Variants in GPD1L observed in about 807,000 individuals in gnomAD.
The protein encoded by GPD1L is glycerol-3-phosphate dehydrogenase 1 like, also known as glycerol-3-phosphate dehydrogenase 1-like protein.
GPD1L carries 17 observed loss-of-function variants against 32.9 expected under a neutral mutation model. The ratio of observed to expected loss-of-function variants is 0.52; its 90% CI spans 0.35 to 0.78. The LOEUF is 0.78. GPD1L is among the 30% of genes least tolerant of loss of function. The pLI is 0.01. For synonymous variants in GPD1L, 187 were observed against 165.9 expected, an observed-to-expected ratio of 1.13 and a Z score of -0.98; for missense variants, 361 against 447.8, an observed-to-expected ratio of 0.81 and a Z score of 1.75.
chr3:32,158,981 A>G lies in GPD1L; in HGVS notation c.724A>G (p.Arg242Gly). 2 of 1,614,094 alleles carry G rather than the reference A, an allele frequency of 1.2e-6. No homozygotes were observed. The highest frequency in any genetic ancestry group is 1.6e-4 in the Middle Eastern group (1 of 6,062). The change falls in exon 6 of 8, where the codon AGG (arginine) becomes GGG (glycine). Residue 242 changes from arginine (R) to glycine (G), a missense_variant. By Grantham distance (125) the Arg-to-Gly change is moderately radical. Transcript: ENST00000282541. Reference sequence around the variant, plus strand: ...ACTCATGGAAATGATTGCTTTTGCCAGGATCTTCTGCAAAGGCCAAGTGTC... The same window carrying G: ...ACTCATGGAAATGATTGCTTTTGCCGGGATCTTCTGCAAAGGCCAAGTGTC... Reference protein sequence around the residue: ...LGLMEMIAFARIFCKGQVSTA... With the variant: ...LGLMEMIAFAGIFCKGQVSTA...
At chr3:32,161,523 A>T (rs1424367142) in intron 7 of GPD1L, among the ~76,000 whole-genome samples, 1 of 152,176 alleles carries the variant, frequency 6.6e-6, no homozygotes, top group Non-Finnish European at 1.5e-5. Flanking sequence ...TTGGCTGTTT[A>T]GTGAGACTCT....
intron 5 of GPD1L, 60 bp downstream of exon 5, chr3:32,146,794 C>G: frequency 1.1e-6 from 1 of 941,506 alleles, no homozygotes; most frequent in Non-Finnish European, 1.8e-6. Flanking sequence ...ATCATTGAGT[C>G]TAATCCTCAA....
intron 5 of GPD1L, among the ~76,000 whole-genome samples, chr3:32,148,033 A>T (rs945169890): frequency 1.3e-5 from 2 of 152,240 alleles, no homozygotes; most frequent in Non-Finnish European, 2.9e-5. Flanking sequence ...TTATACATGT[A>T]AGACGCTGAC....
intron 1 of GPD1L, among the ~76,000 whole-genome samples, chr3:32,124,922 C>G (rs1700485313): frequency 6.6e-6 from 1 of 151,418 alleles, no homozygotes; most frequent in Admixed American, 6.6e-5. Context: ...GACATTGTCT[C>G]AAACAAACAA....
chr3:32,158,833 TG>T (rs1701033460), intron 5 of GPD1L, 42 bp from the exon 6 acceptor site: 4 of 1,600,754 alleles, frequency 2.5e-6, no homozygotes, highest in Non-Finnish European at 3.4e-6. Context: ...ATACCCGTGG[TG>T]GGTGCTGTAA....
intron 4 of GPD1L, 119 bp downstream of exon 4, chr3:32,140,485 G>C (rs969490237): frequency 2.5e-6 from 3 of 1,218,504 alleles, no homozygotes; most frequent in Non-Finnish European, 3.6e-6. Flanking sequence ...ACATTCCTTA[G>C]TTGGGCATTC....
rs1262973161 is a variant in GPD1L, at chr3:32,167,638, AC to A, written c.*1730del. The A allele has an allele frequency of 1.3e-5, 2 of 152,682 alleles. No individual in the cohort carries two copies. Among genetic ancestry groups the A allele is most frequent in the East Asian group, 1.9e-4 (1 of 5,206 alleles). The allele number at this position is 152,682 out of a possible 1,614,324, so 9.5% of individuals were successfully genotyped here. A position where few individuals can be genotyped will look rare whatever the true frequency, so the allele number is the denominator to read the frequency against. ...ATTGGCTTCAGAATCCATTACAGTT[AC>A]CTTACATAGCACTTGATACGTGTTA... On this transcript the variant is annotated 3_prime_UTR_variant, in exon 8 of 8. Coordinates refer to ENST00000282541, the MANE Select transcript of GPD1L (RefSeq NM_015141.4).
intron 1 of GPD1L, among the ~76,000 whole-genome samples, chr3:32,113,747 G>A (rs536524095): frequency 6.6e-6 from 1 of 152,154 alleles, no homozygotes; most frequent in East Asian, 1.9e-4. Context: ...TGATTCTGGG[G>A]TTTAACAATG....
chr3:32,165,562 AC>A (rs1467929123), intron 7 of GPD1L, among the ~76,000 whole-genome samples: 2 of 152,232 alleles, frequency 1.3e-5, no homozygotes, highest in Non-Finnish European at 2.9e-5. Flanking sequence ...TGGTAGGATC[AC>A]CGTGTGACTT....
chr3:32,165,560 T>C (rs1211589529), intron 7 of GPD1L, among the ~76,000 whole-genome samples: 1 of 152,222 alleles, frequency 6.6e-6, no homozygotes, highest in Admixed American at 6.5e-5. Flanking sequence ...CCTGGTAGGA[T>C]CACCGTGTGA....
In GPD1L at chr3:32,106,701, TCGGCC is replaced by T; in HGVS notation, c.-5_-1del. 6.4e-7 allele frequency: 1 copy of T among 1,557,674 alleles called. No homozygotes were observed. Among genetic ancestry groups the T allele is most frequent in the Non-Finnish European group, 8.7e-7 (1 of 1,153,284 alleles). Reference sequence around the variant, plus strand: ...GGAAGCACGGTCCAGGCGGCTACATTCGGCCCGGCCATGGCAGCGGCGCCCCTGAA... The same window carrying T: ...GGAAGCACGGTCCAGGCGGCTACATTCGGCCATGGCAGCGGCGCCCCTGAA... On this transcript the variant is annotated 5_prime_UTR_variant, in exon 1 of 8. Coordinates refer to ENST00000282541, the MANE Select transcript of GPD1L (RefSeq NM_015141.4). This position sits in a 1 kb window ranked among gnomAD's most constrained non-coding sequence, Gnocchi z 4.0.
chr3:32,130,897 C>G (rs969210529), intron 2 of GPD1L, among the ~76,000 whole-genome samples: 3 of 151,976 alleles, frequency 2.0e-5, no homozygotes, highest in Non-Finnish European at 4.4e-5. Flanking sequence ...CCTGTAATCC[C>G]GGCTATACTC....
intron 2 of GPD1L, among the ~76,000 whole-genome samples, chr3:32,133,981 T>C (rs1655139572): frequency 6.6e-6 from 1 of 152,236 alleles, no homozygotes; most frequent in Admixed American, 6.5e-5. Flanking sequence ...AAACCAGCCC[T>C]GATGCCTTCG....
At chr3:32,162,294 C>T (rs72852113) in intron 7 of GPD1L, among the ~76,000 whole-genome samples, 8,203 of 152,230 alleles carry the variant, frequency 0.054, 384 homozygotes, top group East Asian at 0.2. Flanking sequence ...ACCAATGTAA[C>T]TTCCTGCAGT....
chr3:32,140,415 G>A (rs780263646), intron 4 of GPD1L, 49 bp downstream of exon 4: 9 of 1,590,658 alleles, frequency 5.7e-6, no homozygotes, highest in African/African-American at 1.3e-5. Flanking sequence ...TTTGATGTTT[G>A]AACATGTACA....
rs536524095 is a variant in GPD1L at position 32,113,747 on chromosome 3, G to T, written c.47+6989G>T. On this transcript the variant is annotated intron_variant, in intron 1 of 7. Coordinates refer to ENST00000282541, the MANE Select transcript of GPD1L (RefSeq NM_015141.4). ...TCATTTATTAGCTCATGATTCTGGG[G>T]TTTAACAATGTGGGCTGACTAACCT... 1.8e-4 allele frequency among the ~76,000 whole-genome samples: 28 copies of T among 152,272 alleles called. 1 individual carries two copies. Among genetic ancestry groups the T allele is most frequent in the Middle Eastern group, 3.4e-3 (1 of 294 alleles).
intron 2 of GPD1L, among the ~76,000 whole-genome samples, chr3:32,129,959 A>T (rs1442369224): frequency 6.6e-6 from 1 of 152,114 alleles, no homozygotes; most frequent in Non-Finnish European, 1.5e-5. Flanking sequence ...GCCTGGCGCC[A>T]GTCCCTTGTG....
At chr3:32,163,973 C>T (rs2125500610) in intron 7 of GPD1L, among the ~76,000 whole-genome samples, 1 of 152,352 alleles carries the variant, frequency 6.6e-6, no homozygotes, top group Non-Finnish European at 1.5e-5. Flanking sequence ...GCAGCAGCTC[C>T]AGGCATCACA....
rs928989537 is a variant in GPD1L, at chr3:32,144,850, CA to C, written c.506-1771del. ...ACACACACACACACACACACACACA[CA>C]CACCACCACGCCAGGCTAATTTTTG... On this transcript the variant is annotated intron_variant, in intron 4 of 7. Transcript: ENST00000282541. Among the ~76,000 whole-genome samples, 284 of 151,214 alleles carry C rather than the reference CA, an allele frequency of 1.9e-3. 5 individuals are homozygous for C. The East Asian group carries it at 0.042, about 22-fold the overall frequency.
Sources: gnomAD v4.1 joint callset for allele counts (sites outside exome capture counted in the v4.1 genomes callset) on GRCh38, gnomAD v4.1.1 for gene constraint, Gnocchi (gnomAD v3.1) non-coding constraint, MANE v1.5 for transcripts, NCBI Gene and HGNC (gene_info 2026-07-23, HGNC 2026-07-21) for gene names.